SLC36A1: variants seen among roughly 807,000 people sequenced by gnomAD.
SLC36A1 encodes the protein proton-coupled amino acid transporter 1.
A neutral mutation model predicts 47.5 loss-of-function variants in SLC36A1; 30 were observed. The observed-to-expected ratio is 0.63, with a 90% confidence interval of 0.47 to 0.86. The LOEUF (loss-of-function observed/expected upper bound fraction) is 0.86, where lower values mean the gene tolerates loss of function less well. Ranked by LOEUF, SLC36A1 falls within the 40% of genes least tolerant of loss-of-function variation. SLC36A1 has a pLI of 0.00. For missense variants in SLC36A1, 517 were observed against 606.0 expected (o/e 0.85, Z 1.54); for synonymous variants, 255 against 249.7 (o/e 1.02, Z -0.20).
the SLC36A1 span, among the ~76,000 whole-genome samples, chr5:151,508,424 A>G: frequency 0.012 from 1,874 of 152,302 alleles, 40 homozygotes; most frequent in African/African-American, 0.043. Flanking sequence ...AAAGGACTGA[A>G]GTCGACTGGG....
At chr5:151,409,595 A>C in the SLC36A1 span, among the ~76,000 whole-genome samples, 1 of 152,218 alleles carries the variant, frequency 6.6e-6, no homozygotes. Flanking sequence ...AACCAGCAGC[A>C]TCAGCATTAC....
intron 8 of SLC36A1, among the ~76,000 whole-genome samples, chr5:151,474,178 A>AAAAAAAAAAAGGAG (rs776318482): frequency 5.0e-5 from 6 of 119,006 alleles, no homozygotes; most frequent in Non-Finnish European, 6.4e-5. Flanking sequence ...AAAAAAAAAA[A>AAAAAAAAAAAGGAG]AGAAATTATC....
At chr5:151,535,346 C>T in the SLC36A1 span, among the ~76,000 whole-genome samples, 1 of 152,040 alleles carries the variant, frequency 6.6e-6, no homozygotes, top group African/African-American at 2.4e-5. Context: ...TCTTTCCCCC[C>T]TTTTCTAATT....
the SLC36A1 span, among the ~76,000 whole-genome samples, chr5:151,500,778 T>A: frequency 6.6e-6 from 1 of 152,212 alleles, no homozygotes; most frequent in South Asian, 2.1e-4. Context: ...TGGCTGATGG[T>A]AGTGACGGTC....
At chr5:151,484,742 C>T (rs756896461) in intron 10 of SLC36A1, among the ~76,000 whole-genome samples, 22 of 152,164 alleles carry the variant, frequency 1.4e-4, no homozygotes, top group Non-Finnish European at 2.8e-4. Context: ...TGAGTGATAT[C>T]GTTTGACCAT....
intron 7 of SLC36A1, among the ~76,000 whole-genome samples, chr5:151,472,262 G>A (rs1757415484): frequency 6.6e-6 from 1 of 152,242 alleles, no homozygotes; most frequent in South Asian, 2.1e-4. Context: ...TCCAGCACGG[G>A]AGAAAGATGT....
chr5:151,545,986 G>A, the SLC36A1 span: 1 of 1,614,100 alleles, frequency 6.2e-7, no homozygotes, highest in Non-Finnish European at 8.5e-7. Context: ...TTTCTTCTGG[G>A]TGGAAATAAG....
At chr5:151,432,024 T>C in the SLC36A1 span, among the ~76,000 whole-genome samples, 6 of 152,130 alleles carry the variant, frequency 3.9e-5, no homozygotes, top group African/African-American at 1.4e-4. Context: ...GATGGATAAA[T>C]GGGCTTCTCC....
At chr5:151,536,775 TAG>T in the SLC36A1 span, among the ~76,000 whole-genome samples, 1 of 152,234 alleles carries the variant, frequency 6.6e-6, no homozygotes, top group African/African-American at 2.4e-5. Flanking sequence ...GTTTGCAGCA[TAG>T]ATACCTTGAG....
chr5:151,484,860 A>G (rs1187560351), intron 10 of SLC36A1, among the ~76,000 whole-genome samples: 2 of 152,110 alleles, frequency 1.3e-5, no homozygotes, highest in African/African-American at 4.8e-5. Context: ...GCCTACACCC[A>G]TTCCTATACC....
At chr5:151,408,626 A>G in the SLC36A1 span, among the ~76,000 whole-genome samples, 10 of 152,314 alleles carry the variant, frequency 6.6e-5, no homozygotes, top group East Asian at 3.9e-4. Flanking sequence ...CCCCTCCCCA[A>G]ATTTATTACA....
the SLC36A1 span, among the ~76,000 whole-genome samples, chr5:151,384,329 C>G: frequency 1.3e-5 from 2 of 152,194 alleles, no homozygotes; most frequent in Non-Finnish European, 2.9e-5. Flanking sequence ...AGGTCTGACT[C>G]AGGGTGCCTC....
chr5:151,472,111 T>C (rs115296729), intron 7 of SLC36A1, among the ~76,000 whole-genome samples: 1 of 152,178 alleles, frequency 6.6e-6, no homozygotes, highest in African/African-American at 2.4e-5. Context: ...GATGTACATA[T>C]ATAGGGGAGT....
the SLC36A1 span, among the ~76,000 whole-genome samples, chr5:151,396,397 G>A: frequency 6.6e-6 from 1 of 152,002 alleles, no homozygotes; most frequent in Non-Finnish European, 1.5e-5. Context: ...CACCATGCCC[G>A]GCCTTCTCTT....
the SLC36A1 span, among the ~76,000 whole-genome samples, chr5:151,541,180 C>G: frequency 6.6e-6 from 1 of 152,184 alleles, no homozygotes; most frequent in African/African-American, 2.4e-5. Flanking sequence ...ACTAAGGACC[C>G]ACCCTAAGTG....
At chr5:151,499,487 G>T in the SLC36A1 span, among the ~76,000 whole-genome samples, 8 of 152,174 alleles carry the variant, frequency 5.3e-5, no homozygotes, top group Non-Finnish European at 1.2e-4. Flanking sequence ...TACCTGCTGG[G>T]TCTTTTTTGC....
the SLC36A1 span, among the ~76,000 whole-genome samples, chr5:151,506,526 C>T: frequency 2.6e-5 from 4 of 152,154 alleles, no homozygotes; most frequent in Admixed American, 6.5e-5. Flanking sequence ...AGATGTGGCT[C>T]GGAAATCAGG....
the SLC36A1 span, chr5:151,550,868 G>A: frequency 5.0e-6 from 8 of 1,612,512 alleles, no homozygotes; most frequent in Non-Finnish European, 6.8e-6. Flanking sequence ...ATGAAGATGT[G>A]GACCTAGGGA....
the SLC36A1 span, among the ~76,000 whole-genome samples, chr5:151,421,192 C>T: frequency 6.9e-6 from 1 of 145,046 alleles, no homozygotes; most frequent in Non-Finnish European, 1.5e-5. Context: ...TTCCTTCCTT[C>T]CTTCCTTCCT....
Sources: allele counts gnomAD v4.1 joint callset (sites outside exome capture counted in the v4.1 genomes callset), GRCh38; gene constraint gnomAD v4.1.1; transcripts MANE v1.5; gene names NCBI Gene and HGNC (gene_info 2026-07-23, HGNC 2026-07-21).